The following SPAG16 variants were observed in gnomAD, a reference collection of about 807,000 sequenced individuals.
The protein encoded by SPAG16 is sperm-associated antigen 16 protein.
Under a neutral mutation model 80.4 loss-of-function variants are expected in SPAG16, and 86 were observed. That is an observed-to-expected ratio of 1.07 (90% confidence interval 0.90 to 1.28). SPAG16 has a LOEUF of 1.28. SPAG16 is among the 50% of genes most tolerant of loss of function. SPAG16 has a pLI of 0.00. For missense variants in SPAG16, 870 were observed against 765.3 expected (o/e 1.14, Z -1.61); for synonymous variants, 294 against 265.9 (o/e 1.11, Z -1.03).
chr2:213,548,455 C>T (rs1159699893), intron 10 of SPAG16, among the ~76,000 whole-genome samples: 4 of 152,206 alleles, frequency 2.6e-5, no homozygotes, highest in African/African-American at 7.2e-5. Flanking sequence ...TCGTGATCTG[C>T]CCGCCTCGGC....
rs532011008 is a variant in SPAG16, at chr2:214,075,769, C to G, written c.1528-32427C>G. On this transcript the variant is annotated intron_variant, in intron 13 of 15. Transcript: ENST00000331683. Reference sequence around the variant, plus strand: ...ACTGATTTATTTTTATCTCAGTATACATTTTTGTAGCGCTATATGACTTCA... The same window carrying G: ...ACTGATTTATTTTTATCTCAGTATAGATTTTTGTAGCGCTATATGACTTCA... Among the ~76,000 whole-genome samples, 17 of 152,268 alleles carry G rather than the reference C, an allele frequency of 1.1e-4. No homozygotes were observed. In the East Asian group the frequency reaches 2.7e-3, roughly 24 times the overall value.
In SPAG16 at chr2:214,320,761, C is replaced by T. The variant is rs1023926292; in HGVS notation, c.1721-89379C>T. Among the ~76,000 whole-genome samples the T allele has an allele frequency of 2.6e-5, 4 of 152,194 alleles. No individual in the cohort carries two copies. In the East Asian group the frequency reaches 5.8e-4, roughly 22 times the overall value. ...ACTGCACCCATGATTCAATTACCTC[C>T]ACCTGGTCTCTCCCTTGACACATGA... On this transcript the variant is annotated intron_variant, in intron 15 of 15. Coordinates refer to ENST00000331683, the MANE Select transcript of SPAG16 (RefSeq NM_024532.5).
At chr2:214,346,418 TGTTTTGG>T (rs1431435392) in intron 15 of SPAG16, among the ~76,000 whole-genome samples, 2 of 152,180 alleles carry the variant, frequency 1.3e-5, no homozygotes, top group Admixed American at 1.3e-4. Context: ...TGTTCATATT[TGTTTTGG>T]GTTTTGTAAT....
intron 15 of SPAG16, among the ~76,000 whole-genome samples, chr2:214,366,025 C>G (rs1699459011): frequency 6.7e-6 from 1 of 150,312 alleles, no homozygotes; most frequent in Admixed American, 6.6e-5. Context: ...GTAGCCCAGG[C>G]CAGAGTGCAG....
At chr2:214,057,760 G>A (rs1257122416) in intron 13 of SPAG16, among the ~76,000 whole-genome samples, 1 of 152,052 alleles carries the variant, frequency 6.6e-6, no homozygotes, top group African/African-American at 2.4e-5. Context: ...TTTTTAGTGT[G>A]GCCAACTTCA....
intron 15 of SPAG16, among the ~76,000 whole-genome samples, chr2:214,231,778 T>A (rs56257081): frequency 2.2e-4 from 34 of 152,218 alleles, no homozygotes; most frequent in Non-Finnish European, 4.6e-4. Context: ...GACCATTGTC[T>A]GTTTTCTTTA....
chr2:213,831,047 T>G (rs1007100083), intron 10 of SPAG16, among the ~76,000 whole-genome samples: 3 of 144,178 alleles, frequency 2.1e-5, no homozygotes, highest in Non-Finnish European at 4.6e-5. Flanking sequence ...TTTTTTTTTT[T>G]TTTTTTTTTT....
chr2:213,707,856 G>C (rs944477731), intron 10 of SPAG16, among the ~76,000 whole-genome samples: 4 of 151,958 alleles, frequency 2.6e-5, no homozygotes, highest in Non-Finnish European at 5.9e-5. Context: ...CTGATACTGG[G>C]GTTTGGTTCC....
At chr2:213,693,393 A>T (rs986498348) in intron 10 of SPAG16, among the ~76,000 whole-genome samples, 6 of 152,188 alleles carry the variant, frequency 3.9e-5, no homozygotes, top group Non-Finnish European at 2.9e-5. Flanking sequence ...ACCAAGCCCT[A>T]CCTCAGCACA....
At chr2:213,586,288 G>T (rs1266524922) in intron 10 of SPAG16, among the ~76,000 whole-genome samples, 2 of 152,170 alleles carry the variant, frequency 1.3e-5, no homozygotes, top group Non-Finnish European at 2.9e-5. Flanking sequence ...CAGTTCTAAA[G>T]GATTGGACCA....
Position 213,912,379 on chromosome 2 carries a change from TAA to T in SPAG16, c.1215-17580_1215-17579del, listed in dbSNP as rs141243229. ...ATTTTTGTAAGAAATATTTGCTATA[TAA>T]GAGAGAAACTATGAGACATTTATGT... is the stretch of plus-strand genomic sequence containing the variant. On this transcript the variant is annotated intron_variant, in intron 11 of 15. Transcript: ENST00000331683. 5.5e-4 allele frequency among the ~76,000 whole-genome samples: 83 copies of T among 152,278 alleles called. 1 individual carries two copies. In the East Asian group the frequency reaches 0.012, roughly 23 times the overall value.
At chr2:213,757,326 G>T (rs1044159813) in intron 10 of SPAG16, among the ~76,000 whole-genome samples, 4 of 151,476 alleles carry the variant, frequency 2.6e-5, no homozygotes, top group Admixed American at 6.6e-5. Flanking sequence ...AATACCCATA[G>T]CTGTTTTTTT....
At chr2:213,891,280 C>T (rs1473023441) in intron 11 of SPAG16, among the ~76,000 whole-genome samples, 1 of 152,012 alleles carries the variant, frequency 6.6e-6, no homozygotes, top group Admixed American at 6.6e-5. Context: ...GGCATGCATG[C>T]TGTATAGTCC....
At chr2:213,546,937 A>G (rs2076631037) in intron 10 of SPAG16, among the ~76,000 whole-genome samples, 1 of 152,196 alleles carries the variant, frequency 6.6e-6, no homozygotes, top group Non-Finnish European at 1.5e-5. Context: ...TTACTATTGA[A>G]AAAGCTGTAT....
Position 213,533,084 on chromosome 2 carries a change from T to C in SPAG16, c.1070+42994T>C, listed in dbSNP as rs575282368. Among the ~76,000 whole-genome samples the C allele has an allele frequency of 1.9e-4, 29 of 152,336 alleles. No individual in the cohort carries two copies. In the South Asian group the frequency reaches 6.0e-3, roughly 32 times the overall value. ...CTTAGAATATAGTTTCTCTGTATTGTAGAATATATACTTCTATGTGTATAT... is the reference window on the plus strand; with the variant it reads ...CTTAGAATATAGTTTCTCTGTATTGCAGAATATATACTTCTATGTGTATAT... On this transcript the variant is annotated intron_variant, in intron 10 of 15. Transcript: ENST00000331683.
At chr2:214,035,340 G>A (rs1426674098) in intron 13 of SPAG16, among the ~76,000 whole-genome samples, 1 of 152,188 alleles carries the variant, frequency 6.6e-6, no homozygotes, top group African/African-American at 2.4e-5. Flanking sequence ...CTTCACCAGG[G>A]ACCTGCCCCT....
intron 15 of SPAG16, among the ~76,000 whole-genome samples, chr2:214,340,278 C>T (rs1697581874): frequency 6.6e-6 from 1 of 152,194 alleles, no homozygotes; most frequent in Non-Finnish European, 1.5e-5. Flanking sequence ...GAAGGGTACA[C>T]ACGTATACAT....
intron 10 of SPAG16, among the ~76,000 whole-genome samples, chr2:213,781,412 C>T (rs964406202): frequency 4.6e-5 from 7 of 152,064 alleles, no homozygotes; most frequent in African/African-American, 1.4e-4. Flanking sequence ...AGTTGATGCC[C>T]TCTCCTAATC....
intron 11 of SPAG16, among the ~76,000 whole-genome samples, chr2:213,872,579 G>T (rs2075995026): frequency 6.6e-6 from 1 of 151,984 alleles, no homozygotes; most frequent in African/African-American, 2.4e-5. Flanking sequence ...ACCTTTGATT[G>T]TTTTTTTGTT....
Sources: allele counts gnomAD v4.1 joint callset (sites outside exome capture counted in the v4.1 genomes callset), GRCh38; gene constraint gnomAD v4.1.1; transcripts MANE v1.5; gene names NCBI Gene and HGNC (gene_info 2026-07-23, HGNC 2026-07-21).